CRACD: variants seen among roughly 807,000 people sequenced by gnomAD.
CRACD encodes capping protein-inhibiting regulator of actin dynamics.
In CRACD, 56 loss-of-function variants were observed where a neutral mutation model predicts 106.8. That is an observed-to-expected ratio of 0.52 (90% CI 0.42 to 0.66). CRACD has a LOEUF of 0.66. Among genes scored for constraint, CRACD ranks in the 30% least tolerant of loss-of-function variants. The pLI, the probability that CRACD is intolerant of heterozygous loss-of-function variation, is 0.00. For synonymous variants in CRACD, 754 were observed against 670.8 expected (o/e 1.12, Z -1.92); for missense variants, 1,730 against 1,623.2 (o/e 1.07, Z -1.13).
At chr4:56,076,512 T>C (rs139830424) in intron 1 of CRACD, among the ~76,000 whole-genome samples, 324 of 152,312 alleles carry the variant, frequency 2.1e-3, no homozygotes, top group African/African-American at 7.3e-3. Flanking sequence ...GCAAAAGAAT[T>C]TACCCTTCCA....
chr4:56,237,866 A>T (rs892183024), intron 2 of CRACD, among the ~76,000 whole-genome samples: 1 of 151,986 alleles, frequency 6.6e-6, no homozygotes, highest in Admixed American at 6.6e-5. Context: ...GGAGATATGT[A>T]TAGATATAAC....
intron 1 of CRACD, among the ~76,000 whole-genome samples, chr4:56,064,806 C>T (rs570475159): frequency 6.6e-6 from 1 of 152,182 alleles, no homozygotes; most frequent in Non-Finnish European, 1.5e-5. Context: ...TTCATTCTCT[C>T]ATCTTGAAGT....
chr4:56,262,353 T>C (rs1741754687), intron 2 of CRACD, among the ~76,000 whole-genome samples: 1 of 152,226 alleles, frequency 6.6e-6, no homozygotes, highest in Non-Finnish European at 1.5e-5. Flanking sequence ...TTTTGTCTTA[T>C]TTCTACACAC....
chr4:56,083,177 A>G (rs1733094957), intron 1 of CRACD, among the ~76,000 whole-genome samples: 1 of 152,188 alleles, frequency 6.6e-6, no homozygotes. Context: ...CCAAAAGCAA[A>G]TAGGACCAAA....
At chr4:56,208,991 T>G (rs1738270892) in intron 2 of CRACD, among the ~76,000 whole-genome samples, 1 of 152,286 alleles carries the variant, frequency 6.6e-6, no homozygotes, top group Admixed American at 6.5e-5. Flanking sequence ...TCTTTTTTTA[T>G]TTTTTGCAGT....
chr4:56,314,600 T>G lies in CRACD; in HGVS notation c.1098T>G (p.Ala366=). The change falls in exon 8 of 11, where the codon GCT becomes GCG. Residue 366 remains alanine, a synonymous_variant. Transcript: ENST00000682029. The surrounding 1 kb of genome is among the most constrained non-coding windows in gnomAD (Gnocchi z 4.4). Reference sequence around the variant, plus strand: ...TCAAAAGGCAGGAGGAGGAGGAGGCTGAGGGATGGGAAGAGCTGGAACAGC... The same window carrying G: ...TCAAAAGGCAGGAGGAGGAGGAGGCGGAGGGATGGGAAGAGCTGGAACAGC... ...EELKRQEEEE[A]EGWEELEQQE... The G allele has an allele frequency of 6.6e-7, 1 of 1,523,056 alleles. No individual in the cohort carries two copies. The allele number at this position is 1,523,056 out of a possible 1,614,324, so 94.3% of individuals were successfully genotyped here. A position where few individuals can be genotyped will look rare whatever the true frequency, so the allele number is the denominator to read the frequency against.
chr4:56,180,839 A>T (rs2109436736), intron 2 of CRACD, among the ~76,000 whole-genome samples: 1 of 152,304 alleles, frequency 6.6e-6, no homozygotes, highest in South Asian at 2.1e-4. Flanking sequence ...CCCCTTAGGG[A>T]GTCACTTAAA....
intron 2 of CRACD, among the ~76,000 whole-genome samples, chr4:56,242,095 A>AT (rs1333181843): frequency 6.6e-6 from 1 of 152,172 alleles, no homozygotes; most frequent in Non-Finnish European, 1.5e-5. Flanking sequence ...TTGTATGCCT[A>AT]TGGAGGTCAC....
intron 1 of CRACD, among the ~76,000 whole-genome samples, chr4:56,058,115 C>T (rs1267410952): frequency 6.6e-6 from 1 of 151,278 alleles, no homozygotes; most frequent in Admixed American, 6.6e-5. Flanking sequence ...AGCCACCGTG[C>T]CAGGGGTGCA....
intron 2 of CRACD, among the ~76,000 whole-genome samples, chr4:56,207,569 A>G (rs1241630885): frequency 2.0e-5 from 3 of 152,002 alleles, no homozygotes; most frequent in East Asian, 1.9e-4. Flanking sequence ...AAGGTTGTCC[A>G]TGTATACAAC....
intron 8 of CRACD, among the ~76,000 whole-genome samples, chr4:56,321,720 A>G (rs1379445583): frequency 1.3e-5 from 2 of 152,216 alleles, no homozygotes; most frequent in Non-Finnish European, 2.9e-5. Flanking sequence ...AAACTCTTTC[A>G]AATTCAGTTT....
At chr4:56,219,890 G>A (rs562059709) in intron 2 of CRACD, among the ~76,000 whole-genome samples, 1 of 152,182 alleles carries the variant, frequency 6.6e-6, no homozygotes. Flanking sequence ...TGTTGGGTAA[G>A]ATATTTAATA....
At chr4:56,187,330 T>C (rs1737132015) in intron 2 of CRACD, among the ~76,000 whole-genome samples, 1 of 152,070 alleles carries the variant, frequency 6.6e-6, no homozygotes. Context: ...CGAGCTGTCT[T>C]GAAAGATGAG....
At chr4:56,069,004 C>G (rs781377557) in intron 1 of CRACD, among the ~76,000 whole-genome samples, 1 of 152,050 alleles carries the variant, frequency 6.6e-6, no homozygotes, top group Admixed American at 6.6e-5. Context: ...GAAGAGGACA[C>G]GGAGACATAG....
At chr4:56,258,093 G>C (rs541273150) in intron 2 of CRACD, among the ~76,000 whole-genome samples, 1 of 149,288 alleles carries the variant, frequency 6.7e-6, no homozygotes, top group Non-Finnish European at 1.5e-5. Flanking sequence ...AAAAAAAAAA[G>C]AAAAAAGAAA....
chr4:56,293,937 GTT>G lies in CRACD; in HGVS notation c.-16-4276_-16-4275del, dbSNP rs1743839745. On this transcript the variant is annotated intron_variant, in intron 3 of 10. Transcript: ENST00000682029. Reference sequence around the variant, plus strand: ...TCTACAAAAATTCTATGCTTCAGGTGTTCAGGTGTTCAGGTGTGGTGGCTTAT... The same window carrying G: ...TCTACAAAAATTCTATGCTTCAGGTGCAGGTGTTCAGGTGTGGTGGCTTAT... Among the ~76,000 whole-genome samples, 4 of 5,014 alleles carry G rather than the reference GTT, an allele frequency of 8.0e-4. No homozygotes were observed. In the Admixed American group the frequency reaches 0.022, roughly 28 times the overall value. 3.3% of individuals were successfully genotyped at this position (5,014 alleles called of 152,430 possible). A position where few individuals can be genotyped will look rare whatever the true frequency, so the allele number is the denominator to read the frequency against.
chr4:56,298,166 A>G, intron 3 of CRACD, 48 bp from the exon 4 acceptor site: 1 of 1,583,878 alleles, frequency 6.3e-7, no homozygotes, highest in South Asian at 1.2e-5. Flanking sequence ...CTGAATTGCC[A>G]AAAGAAATTT....
intron 1 of CRACD, among the ~76,000 whole-genome samples, chr4:56,062,418 C>T (rs1311897280): frequency 6.6e-6 from 1 of 152,156 alleles, no homozygotes; most frequent in East Asian, 1.9e-4. Context: ...GGCATGTGAA[C>T]ATTCATCTTG....
At position 56,315,557 on chromosome 4, in the gene CRACD, C is replaced by G. The variant is rs765881115; in HGVS notation, c.2055C>G (p.Ser685Arg). The change falls in exon 8 of 11, where the codon AGC (serine) becomes AGG (arginine). Residue 685 changes from serine (S) to arginine (R), a missense_variant. This residue lies in a region of CRACD where 1,620 missense variants were observed against 1,481.6 expected (regional missense o/e 1.09). Transcript: ENST00000682029. The surrounding 1 kb of genome is among the most constrained non-coding windows in gnomAD (Gnocchi z 4.1). The part of the protein sequence containing the change: ...ILKNAESDPR[S>R]SERDQLRPGD... ...AGAACGCAGAGAGTGACCCGCGCAG[C>G]AGCGAGAGGGACCAGTTGAGGCCCG... The G allele has an allele frequency of 3.1e-6, 5 of 1,614,026 alleles. No homozygotes were observed. The African/African-American group carries it at 4.0e-5, about 13-fold the overall frequency.
Sources: gnomAD v4.1 joint callset for allele counts (sites outside exome capture counted in the v4.1 genomes callset) on GRCh38, gnomAD v4.1.1 for gene constraint, gnomAD v4.1.1 regional missense constraint, Gnocchi (gnomAD v3.1) non-coding constraint, MANE v1.5 for transcripts, NCBI Gene and HGNC (gene_info 2026-07-23, HGNC 2026-07-21) for gene names.